Variants in PALM2AKAP2 observed in about 807,000 individuals in gnomAD.
PALM2AKAP2 encodes PALM2 and AKAP2 fusion.
Under a neutral mutation model 71.5 loss-of-function variants are expected in PALM2AKAP2, and 37 were observed. The observed-to-expected ratio is 0.52, with a 90% CI of 0.40 to 0.68. PALM2AKAP2 has a LOEUF of 0.68. Among genes scored for constraint, PALM2AKAP2 ranks in the 30% least tolerant of loss-of-function variants. PALM2AKAP2 has a pLI of 0.00. For missense variants in PALM2AKAP2, 1,224 were observed against 1,191.8 expected (o/e 1.03, Z -0.40); for synonymous variants, 468 against 478.8 (o/e 0.98, Z 0.29).
upstream of PALM2AKAP2, among the ~76,000 whole-genome samples, chr9:109,778,764 G>A (rs890983646): frequency 8.4e-6 from 1 of 119,574 alleles, no homozygotes; most frequent in African/African-American, 2.8e-5. Flanking sequence ...AAAATTTGAT[G>A]TGCATTTTTT....
At chr9:109,969,350 G>C (rs771015975) in intron 6 of PALM2AKAP2, among the ~76,000 whole-genome samples, 26 of 152,184 alleles carry the variant, frequency 1.7e-4, no homozygotes, top group Non-Finnish European at 3.1e-4. Flanking sequence ...CTCCCGCTCT[G>C]TCCTAACCTT....
chr9:110,162,362 T>G (rs1455609476), intron 3 of PALM2AKAP2, among the ~76,000 whole-genome samples: 1 of 151,750 alleles, frequency 6.6e-6, no homozygotes, highest in Non-Finnish European at 1.5e-5. Flanking sequence ...TGGGGGCGAG[T>G]GGGAGGGTAC....
chr9:109,700,798 G>A (rs1201965061), intron 1 of PALM2AKAP2, among the ~76,000 whole-genome samples: 1 of 152,172 alleles, frequency 6.6e-6, no homozygotes, highest in Non-Finnish European at 1.5e-5. Flanking sequence ...ATCCAGGAAA[G>A]CAGATGTATT....
rs192163786 is a variant in PALM2AKAP2, at chr9:110,075,527, G to A, written c.156+26672G>A. 3.9e-5 allele frequency among the ~76,000 whole-genome samples: 6 copies of A among 152,062 alleles called. No individual in the cohort carries two copies. In the South Asian group the frequency reaches 1.2e-3, roughly 32 times the overall value. ...TACCACTCAGAAATGACGTGCCACT[G>A]GTAACATTTAGACTTATTTCCTCCT... On this transcript the variant is annotated intron_variant, in intron 1 of 3. Coordinates refer to ENST00000374525, the Ensembl canonical transcript of PALM2AKAP2.
chr9:110,004,813 G>A (rs1054028104), intron 6 of PALM2AKAP2, among the ~76,000 whole-genome samples: 1 of 152,098 alleles, frequency 6.6e-6, no homozygotes. Flanking sequence ...TCTTCCAGTT[G>A]ATCGAATTGG....
At chr9:110,032,109 T>G (rs1833289133) in intron 7 of PALM2AKAP2, among the ~76,000 whole-genome samples, 1 of 151,040 alleles carries the variant, frequency 6.6e-6, no homozygotes, top group Non-Finnish European at 1.5e-5. Context: ...CTGGAGAAAT[T>G]AAGCACACAG....
intron 3 of PALM2AKAP2, among the ~76,000 whole-genome samples, chr9:110,166,830 C>G (rs1836747750): frequency 6.6e-6 from 1 of 152,148 alleles, no homozygotes; most frequent in African/African-American, 2.4e-5. Flanking sequence ...TGTCTGGGCT[C>G]CCACCTCTGC....
Position 109,655,750 on chromosome 9 carries a change from T to C in PALM2AKAP2, c.5+14884T>C, listed in dbSNP as rs75989525. Among the ~76,000 whole-genome samples, 28 of 152,344 alleles carry C rather than the reference T, an allele frequency of 1.8e-4. No homozygotes were observed. In the East Asian group the frequency reaches 4.0e-3, roughly 22 times the overall value. On this transcript the variant is annotated intron_variant, in intron 1 of 6. Transcript: ENST00000374531. ...ATGCTTTGAAGGTTTATCCCTGTTG[T>C]AGCCTGTGTCAAAATTTTATTCCTT...
At chr9:110,086,146 AG>A (rs1834569685) in intron 1 of PALM2AKAP2, among the ~76,000 whole-genome samples, 1 of 151,902 alleles carries the variant, frequency 6.6e-6, no homozygotes, top group Admixed American at 6.6e-5. Context: ...AAGAGTTGCA[AG>A]TGGTATAAGA....
At chr9:110,124,933 A>G (rs1285011259) in intron 1 of PALM2AKAP2, among the ~76,000 whole-genome samples, 2 of 152,248 alleles carry the variant, frequency 1.3e-5, no homozygotes, top group Non-Finnish European at 2.9e-5. Flanking sequence ...ATGATATTAA[A>G]TATGTATTTC....
At chr9:109,875,600 G>C (rs1829704146) in intron 2 of PALM2AKAP2, among the ~76,000 whole-genome samples, 2 of 152,166 alleles carry the variant, frequency 1.3e-5, no homozygotes, top group South Asian at 4.1e-4. Context: ...ATAGTCATAG[G>C]TCCTCATGCT....
chr9:110,091,006 C>T (rs570623101), intron 1 of PALM2AKAP2, among the ~76,000 whole-genome samples: 3 of 151,222 alleles, frequency 2.0e-5, no homozygotes, highest in East Asian at 3.9e-4. Context: ...CAACATAGGT[C>T]GGCATGGGTA....
In PALM2AKAP2 at chr9:109,874,319, T is replaced by C. The variant is rs76339460; in HGVS notation, c.127-6232T>C. Among the ~76,000 whole-genome samples, 750 of 152,330 alleles carry C rather than the reference T, an allele frequency of 4.9e-3. 7 individuals carry two copies. The highest frequency in any genetic ancestry group is 0.018 in the African/African-American group (734 of 41,568). ...CACCTGATGATTTTGTAAATCCTAT[T>C]TGAGCAAAAAAGAAAAAAGGATTCT... is the stretch of plus-strand genomic sequence containing the variant. On this transcript the variant is annotated intron_variant, in intron 2 of 9. Transcript: ENST00000302798.
chr9:110,125,208 T>C (rs1460793643), intron 1 of PALM2AKAP2, among the ~76,000 whole-genome samples: 1 of 152,170 alleles, frequency 6.6e-6, no homozygotes, highest in Non-Finnish European at 1.5e-5. Context: ...ATTCCCTGCT[T>C]GTCCCAGGGC....
chr9:109,801,708 A>ATG (rs142422555), intron 1 of PALM2AKAP2, among the ~76,000 whole-genome samples: 12,827 of 149,248 alleles, frequency 0.086, 1,454 homozygotes, highest in African/African-American at 0.26. Flanking sequence ...AGGTGTTGAT[A>ATG]TGTGTGTGTG....
At chr9:110,056,353 C>T (rs542826787) in intron 1 of PALM2AKAP2, among the ~76,000 whole-genome samples, 83 of 152,246 alleles carry the variant, frequency 5.5e-4, no homozygotes, top group African/African-American at 2.0e-3. Context: ...TTTTTGATAC[C>T]GCCTACAAAT....
intron 6 of PALM2AKAP2, among the ~76,000 whole-genome samples, chr9:109,955,483 G>A (rs949525915): frequency 2.6e-5 from 4 of 152,144 alleles, no homozygotes; most frequent in Admixed American, 6.5e-5. Context: ...CACCTCAATA[G>A]TTCTGGAGGC....
chr9:109,647,359 C>T (rs1344714966), intron 1 of PALM2AKAP2, among the ~76,000 whole-genome samples: 2 of 152,178 alleles, frequency 1.3e-5, no homozygotes, highest in Admixed American at 1.3e-4. Flanking sequence ...ACCAGTTCTT[C>T]ATGATGAAGA....
At chr9:109,729,499 T>C (rs546497368) in intron 1 of PALM2AKAP2, among the ~76,000 whole-genome samples, 28 of 152,310 alleles carry the variant, frequency 1.8e-4, no homozygotes, top group African/African-American at 6.0e-4. Context: ...CACTCAACTT[T>C]CCTCGATTCC....
Sources: allele counts gnomAD v4.1 joint callset (sites outside exome capture counted in the v4.1 genomes callset), GRCh38; gene constraint gnomAD v4.1.1; transcripts MANE v1.5; gene names NCBI Gene and HGNC (gene_info 2026-07-23, HGNC 2026-07-21).